PCDH15: variants seen among roughly 807,000 people sequenced by gnomAD.
PCDH15 encodes the protein protocadherin-15.
Under a neutral mutation model 178.5 loss-of-function variants are expected in PCDH15, and 129 were observed. The ratio of observed to expected loss-of-function variants is 0.72; its 90% confidence interval spans 0.63 to 0.84. PCDH15 has a LOEUF of 0.84. PCDH15 is among the 40% of genes least tolerant of loss of function. The pLI is 0.00. For synonymous variants in PCDH15, 800 were observed against 732.0 expected (o/e 1.09, Z -1.50); for missense variants, 2,230 against 2,099.9 (o/e 1.06, Z -1.21).
At chr10:54,713,371 C>A (rs544653796) in intron 1 of PCDH15, among the ~76,000 whole-genome samples, 1 of 151,962 alleles carries the variant, frequency 6.6e-6, no homozygotes, top group Non-Finnish European at 1.5e-5. Flanking sequence ...AACAGACGCA[C>A]GAGAGGAATA....
chr10:55,321,418 C>A (rs1405771048), upstream of PCDH15, among the ~76,000 whole-genome samples: 3 of 152,074 alleles, frequency 2.0e-5, no homozygotes, highest in African/African-American at 7.2e-5. Flanking sequence ...ACTTGAAAAA[C>A]AACTGAGAAT....
At chr10:54,229,919 TC>T (rs1186324422) in intron 9 of PCDH15, among the ~76,000 whole-genome samples, 2 of 152,162 alleles carry the variant, frequency 1.3e-5, no homozygotes, top group Non-Finnish European at 1.5e-5. Flanking sequence ...TTGAATTAGA[TC>T]AAAGATGGAA....
At chr10:53,899,280 T>G (rs1218212662) in intron 26 of PCDH15, among the ~76,000 whole-genome samples, 1 of 151,976 alleles carries the variant, frequency 6.6e-6, no homozygotes, top group African/African-American at 2.4e-5. Flanking sequence ...AGAACCTAAG[T>G]TTTTAAGTAT....
At chr10:54,977,082 A>T (rs1304313730) in intron 2 of PCDH15, among the ~76,000 whole-genome samples, 2 of 152,214 alleles carry the variant, frequency 1.3e-5, no homozygotes, top group Non-Finnish European at 2.9e-5. Context: ...AACTGCTTTA[A>T]GAGTAAGTTA....
At chr10:55,243,732 T>A (rs1342711889) in intron 1 of PCDH15, among the ~76,000 whole-genome samples, 1 of 152,190 alleles carries the variant, frequency 6.6e-6, no homozygotes, top group Non-Finnish European at 1.5e-5. Context: ...AGAAACAGTC[T>A]CTCTAAAGTG....
At chr10:53,924,576 G>A (rs954450589) in intron 25 of PCDH15, among the ~76,000 whole-genome samples, 115 of 152,358 alleles carry the variant, frequency 7.5e-4, no homozygotes, top group African/African-American at 2.2e-3. Flanking sequence ...GCACAGCGCC[G>A]GACTGGCGGG....
chr10:54,265,523 A>C (rs2057616344), intron 8 of PCDH15, among the ~76,000 whole-genome samples: 1 of 152,046 alleles, frequency 6.6e-6, no homozygotes, highest in Non-Finnish European at 1.5e-5. Context: ...TGCTGTCTTC[A>C]AGAGACCCAT....
chr10:54,751,302 T>A (rs1366178774), intron 1 of PCDH15, among the ~76,000 whole-genome samples: 1 of 152,126 alleles, frequency 6.6e-6, no homozygotes, highest in Non-Finnish European at 1.5e-5. Context: ...TTTCACCACT[T>A]GGTAGGAGGG....
chr10:54,084,415 G>C (rs1402035140), intron 16 of PCDH15, among the ~76,000 whole-genome samples: 1 of 151,724 alleles, frequency 6.6e-6, no homozygotes, highest in Non-Finnish European at 1.5e-5. Context: ...GGAGGTTGCA[G>C]TAAGCCGAGA....
chr10:54,714,533 A>G (rs1048454171), intron 1 of PCDH15, among the ~76,000 whole-genome samples: 1 of 152,176 alleles, frequency 6.6e-6, no homozygotes, highest in Non-Finnish European at 1.5e-5. Flanking sequence ...ATCTAATTCC[A>G]ATATAGGAAT....
intron 3 of PCDH15, among the ~76,000 whole-genome samples, chr10:54,850,471 C>T (rs1227589431): frequency 6.6e-6 from 1 of 151,976 alleles, no homozygotes; most frequent in African/African-American, 2.4e-5. Context: ...CTGCAAAGTC[C>T]ATTGTATCCT....
At chr10:55,079,454 T>C (rs78012475) in intron 2 of PCDH15, among the ~76,000 whole-genome samples, 1,532 of 152,270 alleles carry the variant, frequency 0.01, 24 homozygotes, top group African/African-American at 0.033. Flanking sequence ...GGAACAGACA[T>C]TGCAGGTAGT....
At chr10:55,361,017 A>G (rs1024684804) in intron 2 of PCDH15, among the ~76,000 whole-genome samples, 9 of 152,030 alleles carry the variant, frequency 5.9e-5, no homozygotes, top group Admixed American at 3.9e-4. Flanking sequence ...AACGAACTGC[A>G]TTTTCTGAAT....
At chr10:53,855,748 GAC>G (rs2078679120) in intron 28 of PCDH15, among the ~76,000 whole-genome samples, 1 of 151,566 alleles carries the variant, frequency 6.6e-6, no homozygotes, top group Non-Finnish European at 1.5e-5. Context: ...ATCAACAGAA[GAC>G]ACAGAAGAAC....
At chr10:54,377,009 A>T (rs1948550960) in intron 4 of PCDH15, among the ~76,000 whole-genome samples, 1 of 152,028 alleles carries the variant, frequency 6.6e-6, no homozygotes. Flanking sequence ...CCAATCATGC[A>T]GCTAATAAAA....
chr10:55,333,294 TA>T (rs559467370), intron 2 of PCDH15, among the ~76,000 whole-genome samples: 113 of 152,064 alleles, frequency 7.4e-4, no homozygotes, highest in Non-Finnish European at 1.4e-3. Context: ...TTTACAGATT[TA>T]GGGGAAATGT....
chr10:55,208,704 T>C (rs534604042), intron 1 of PCDH15, among the ~76,000 whole-genome samples: 1 of 152,222 alleles, frequency 6.6e-6, no homozygotes, highest in South Asian at 2.1e-4. Flanking sequence ...TTTGCTCCTA[T>C]TCAAATTTCC....
intron 1 of PCDH15, among the ~76,000 whole-genome samples, chr10:55,177,188 C>T (rs967456535): frequency 6.6e-6 from 1 of 152,160 alleles, no homozygotes; most frequent in African/African-American, 2.4e-5. Flanking sequence ...CCTAAATCTT[C>T]AAGCAACTGA....
intron 2 of PCDH15, among the ~76,000 whole-genome samples, chr10:55,627,136 C>A (rs1837545378): frequency 1.3e-5 from 2 of 151,184 alleles, no homozygotes; most frequent in Non-Finnish European, 2.9e-5. Context: ...GATGTAACCC[C>A]CCACCCCCTC....
Sources: gnomAD v4.1 joint callset for allele counts (sites outside exome capture counted in the v4.1 genomes callset) on GRCh38, gnomAD v4.1.1 for gene constraint, MANE v1.5 for transcripts, NCBI Gene and HGNC (gene_info 2026-07-23, HGNC 2026-07-21) for gene names.